The following ANGPT1 variants were observed in gnomAD, a reference collection of about 807,000 sequenced individuals.
The protein encoded by ANGPT1 is angiopoietin-1.
In ANGPT1, 17 loss-of-function variants were observed where a neutral mutation model predicts 62.2. The observed-to-expected ratio is 0.27, with a 90% CI of 0.19 to 0.41. ANGPT1 has a LOEUF of 0.41. Among genes scored for constraint, ANGPT1 ranks in the 10% least tolerant of loss-of-function variants. The pLI is 1.00. For missense variants in ANGPT1, 478 were observed against 594.9 expected (o/e 0.80, Z 2.04); for synonymous variants, 199 against 198.9 (o/e 1.00, Z 0.00).
chr8:107,346,615 AG>A (rs1407294181), intron 2 of ANGPT1, among the ~76,000 whole-genome samples: 1 of 152,210 alleles, frequency 6.6e-6, no homozygotes, highest in Admixed American at 6.5e-5. Context: ...TGCACAACAA[AG>A]ACACCAATCT....
At chr8:107,331,281 A>G (rs1157562265) in intron 3 of ANGPT1, among the ~76,000 whole-genome samples, 1 of 152,210 alleles carries the variant, frequency 6.6e-6, no homozygotes, top group Admixed American at 6.5e-5. Flanking sequence ...AACTTCCCAT[A>G]ACTCCAGCTA....
At chr8:107,267,200 T>C (rs898871352) in intron 7 of ANGPT1, among the ~76,000 whole-genome samples, 1 of 152,176 alleles carries the variant, frequency 6.6e-6, no homozygotes, top group Non-Finnish European at 1.5e-5. Flanking sequence ...CAAATAGAAA[T>C]AGAATTATAC....
chr8:107,469,531 A>G (rs567845725), intron 1 of ANGPT1, among the ~76,000 whole-genome samples: 3 of 152,146 alleles, frequency 2.0e-5, no homozygotes, highest in Admixed American at 1.3e-4. Flanking sequence ...TTTATAAGCC[A>G]TATGCACCAG....
At chr8:107,286,568 G>T (rs1333801275) in intron 6 of ANGPT1, among the ~76,000 whole-genome samples, 1 of 151,858 alleles carries the variant, frequency 6.6e-6, no homozygotes, top group Non-Finnish European at 1.5e-5. Flanking sequence ...TTATTAATGG[G>T]TATGTGATGT....
At chr8:107,472,421 G>C (rs1192006114) in intron 1 of ANGPT1, among the ~76,000 whole-genome samples, 1 of 151,994 alleles carries the variant, frequency 6.6e-6, no homozygotes, top group Non-Finnish European at 1.5e-5. Flanking sequence ...AAATTCTTCT[G>C]CATAGGAGGT....
intron 1 of ANGPT1, 96 bp downstream of exon 1, chr8:107,497,166 T>TA: frequency 7.2e-7 from 1 of 1,387,734 alleles, no homozygotes; most frequent in Non-Finnish European, 9.9e-7. Context: ...GAGCAAAAGG[T>TA]AAATACACAA....
intron 2 of ANGPT1, among the ~76,000 whole-genome samples, chr8:107,338,481 GA>G (rs1178545407): frequency 6.6e-6 from 1 of 152,208 alleles, no homozygotes; most frequent in Non-Finnish European, 1.5e-5. Flanking sequence ...ATGGGGCAGA[GA>G]ATGGTGAGAT....
intron 3 of ANGPT1, among the ~76,000 whole-genome samples, chr8:107,330,003 A>C (rs1459931565): frequency 1.3e-5 from 2 of 152,144 alleles, no homozygotes; most frequent in Non-Finnish European, 2.9e-5. Context: ...GAGCAAATCT[A>C]TCTGGTAGAG....
rs562217703 is a variant in ANGPT1 at position 107,285,509 on chromosome 8, T to C, written c.1039-661A>G. Among the ~76,000 whole-genome samples the C allele has an allele frequency of 8.5e-5, 13 of 152,220 alleles. 1 individual carries two copies. Among genetic ancestry groups the C allele is most frequent in the Middle Eastern group, 3.4e-3 (1 of 294 alleles). On this transcript the variant is annotated intron_variant, in intron 6 of 8. Coordinates refer to ENST00000517746, the MANE Select transcript of ANGPT1 (RefSeq NM_001146.5). The stretch of plus-strand genomic sequence containing the variant: ...AATTATTTACAAAGCTGCACTGGCA[T>C]TGGAATTTTGAGGCAGAAGGCTGAT...
intron 8 of ANGPT1, among the ~76,000 whole-genome samples, chr8:107,261,016 T>C (rs1242082757): frequency 2.0e-5 from 3 of 152,220 alleles, no homozygotes; most frequent in Non-Finnish European, 4.4e-5. Flanking sequence ...GGAATACTCT[T>C]CTAAGGACAC....
intron 1 of ANGPT1, among the ~76,000 whole-genome samples, chr8:107,368,885 T>C (rs933429728): frequency 3.3e-5 from 5 of 149,836 alleles, no homozygotes; most frequent in Middle Eastern, 6.9e-3. Context: ...ATATTCCTTA[T>C]ACTTATTTCT....
chr8:107,364,307 G>A (rs144687510), intron 1 of ANGPT1, among the ~76,000 whole-genome samples: 33 of 152,072 alleles, frequency 2.2e-4, no homozygotes, highest in African/African-American at 7.2e-4. Flanking sequence ...TTGAGACAGC[G>A]CCTCACTCTG....
intron 1 of ANGPT1, among the ~76,000 whole-genome samples, chr8:107,424,397 A>G (rs959589394): frequency 6.6e-6 from 1 of 152,218 alleles, no homozygotes; most frequent in African/African-American, 2.4e-5. Flanking sequence ...TCTAATTTTG[A>G]ACTAAGAAGA....
intron 1 of ANGPT1, among the ~76,000 whole-genome samples, chr8:107,358,432 T>A (rs1816094695): frequency 6.6e-6 from 1 of 152,156 alleles, no homozygotes; most frequent in Non-Finnish European, 1.5e-5. Context: ...TTGTTTCATC[T>A]TTCACAAAGG....
chr8:107,426,866 T>C (rs1003765310), intron 1 of ANGPT1, among the ~76,000 whole-genome samples: 2 of 152,218 alleles, frequency 1.3e-5, no homozygotes, highest in East Asian at 3.9e-4. Context: ...TCTTTTTCAA[T>C]ATAGGACCTA....
At chr8:107,452,480 CTTTATT>C (rs1443705213) in intron 1 of ANGPT1, among the ~76,000 whole-genome samples, 3 of 151,296 alleles carry the variant, frequency 2.0e-5, no homozygotes, top group Middle Eastern at 6.8e-3. Flanking sequence ...ACTTTTATTT[CTTTATT>C]TTTATTTTTT....
intron 1 of ANGPT1, among the ~76,000 whole-genome samples, chr8:107,480,502 C>G (rs1050004727): frequency 6.6e-6 from 1 of 152,136 alleles, no homozygotes; most frequent in Non-Finnish European, 1.5e-5. Flanking sequence ...ATGGATAACT[C>G]ATTTTAAGGG....
At chr8:107,338,216 G>A (rs997951648) in intron 2 of ANGPT1, among the ~76,000 whole-genome samples, 11 of 152,254 alleles carry the variant, frequency 7.2e-5, no homozygotes, top group African/African-American at 2.7e-4. Flanking sequence ...CTAGGCTGAG[G>A]TGAGAGAGGC....
intron 8 of ANGPT1, among the ~76,000 whole-genome samples, chr8:107,254,076 A>T (rs894602752): frequency 6.6e-6 from 1 of 152,104 alleles, no homozygotes; most frequent in African/African-American, 2.4e-5. Context: ...CATCTCCTGT[A>T]CTTAGTAGGA....
Sources: allele counts gnomAD v4.1 joint callset (sites outside exome capture counted in the v4.1 genomes callset), GRCh38; gene constraint gnomAD v4.1.1; transcripts MANE v1.5; gene names NCBI Gene and HGNC (gene_info 2026-07-23, HGNC 2026-07-21).